Variants in ENOX2 observed in about 807,000 individuals in gnomAD.
ENOX2 encodes ecto-NOX disulfide-thiol exchanger 2, also known as APK1 antigen.
ENOX2 carries 36 observed loss-of-function variants against 45.0 expected under a neutral mutation model. The ratio of observed to expected loss-of-function variants is 0.80; its 90% CI spans 0.61 to 1.06. ENOX2 has a LOEUF of 1.06. Ranked by LOEUF, ENOX2 falls within the 50% of genes least tolerant of loss-of-function variation. The pLI is 0.00. For synonymous variants in ENOX2, 174 were observed against 152.3 expected, an observed-to-expected ratio of 1.14 and a Z score of -1.05; for missense variants, 423 against 462.5, an observed-to-expected ratio of 0.91 and a Z score of 0.78.
chrX:130,894,580 T>TA (rs895207199), intron 2 of ENOX2, among the ~76,000 whole-genome samples: 1 of 106,864 alleles, frequency 9.4e-6, no homozygotes, highest in Non-Finnish European at 1.9e-5. Flanking sequence ...ATAAAAATAA[T>TA]AAAAAAAAAG....
intron 2 of ENOX2, among the ~76,000 whole-genome samples, chrX:130,851,207 G>A (rs2078201530): frequency 8.9e-6 from 1 of 112,164 alleles, no homozygotes; most frequent in Non-Finnish European, 1.9e-5. Context: ...AGACATTAAG[G>A]TGAACTTAAA....
At chrX:130,676,407 A>T (rs1433921096) in intron 6 of ENOX2, among the ~76,000 whole-genome samples, 1 of 111,347 alleles carries the variant, frequency 9.0e-6, no homozygotes, top group Non-Finnish European at 1.9e-5. Flanking sequence ...GGGCACTTTC[A>T]GGGGGACAGA....
chrX:130,789,709 A>G (rs2077014631), intron 2 of ENOX2, among the ~76,000 whole-genome samples: 1 of 112,709 alleles, frequency 8.9e-6, no homozygotes, highest in South Asian at 3.7e-4. Flanking sequence ...AAAATCAGAT[A>G]TGAGATTCCA....
At chrX:130,740,923 G>A (rs1221078577) in intron 3 of ENOX2, among the ~76,000 whole-genome samples, 2 of 111,074 alleles carry the variant, frequency 1.8e-5, no homozygotes, top group African/African-American at 6.6e-5. Context: ...AACCTCTTGG[G>A]GCTTAGTTTC....
chrX:130,663,553 G>GCT (rs1411658388), intron 9 of ENOX2, among the ~76,000 whole-genome samples: 1 of 94,026 alleles, frequency 1.1e-5, no homozygotes, highest in Non-Finnish European at 2.2e-5. Flanking sequence ...AAAAAAAAAA[G>GCT]TATTGTGACC....
chrX:130,859,517 T>G (rs1273784245), intron 2 of ENOX2, among the ~76,000 whole-genome samples: 1 of 112,321 alleles, frequency 8.9e-6, no homozygotes, highest in Non-Finnish European at 1.9e-5. Context: ...AATTGAGTCT[T>G]GCAGAGTAAG....
chrX:130,674,588 A>G (rs1269997372), intron 6 of ENOX2, among the ~76,000 whole-genome samples: 1 of 112,040 alleles, frequency 8.9e-6, no homozygotes, highest in Non-Finnish European at 1.9e-5. Context: ...ATCATAATTG[A>G]ATTGCTCAAA....
chrX:130,634,840 AC>A, intron 12 of ENOX2, 143 bp downstream of exon 12: 1 of 424,809 alleles, frequency 2.4e-6, no homozygotes, highest in South Asian at 4.0e-5. Context: ...TATAAGAATT[AC>A]CCCCGAGAGG....
At chrX:130,743,680 A>G (rs759158265) in intron 3 of ENOX2, among the ~76,000 whole-genome samples, 178 of 109,652 alleles carry the variant, frequency 1.6e-3, no homozygotes, top group African/African-American at 5.6e-3. Flanking sequence ...GGATTTCACC[A>G]TGTTGGCCAG....
chrX:130,705,342 A>T (rs750126799), intron 3 of ENOX2, among the ~76,000 whole-genome samples: 86 of 112,290 alleles, frequency 7.7e-4, no homozygotes, highest in African/African-American at 2.4e-3. Flanking sequence ...TAATATATTA[A>T]CCTAGCCAAA....
chrX:130,649,043 CAAAAAAAAAA>C (rs35154919), intron 10 of ENOX2, among the ~76,000 whole-genome samples: 12 of 6,799 alleles, frequency 1.8e-3, no homozygotes, highest in Non-Finnish European at 2.9e-3. Flanking sequence ...GACTCCATAT[CAAAAAAAAAA>C]AAAAAAAAAA....
At chrX:130,797,913 G>A (rs2077159634) in intron 2 of ENOX2, among the ~76,000 whole-genome samples, 2 of 110,595 alleles carry the variant, frequency 1.8e-5, no homozygotes, top group Admixed American at 1.9e-4. Flanking sequence ...CCAACCCAGG[G>A]CCCAACATAA....
intron 3 of ENOX2, among the ~76,000 whole-genome samples, chrX:130,777,309 G>A (rs2148384433): frequency 9.1e-6 from 1 of 109,532 alleles, no homozygotes; most frequent in Admixed American, 9.7e-5. Flanking sequence ...GACCAGCCTG[G>A]GCAACGTGGA....
At chrX:130,878,193 T>C (rs1235193895) in intron 2 of ENOX2, among the ~76,000 whole-genome samples, 1 of 112,460 alleles carries the variant, frequency 8.9e-6, no homozygotes, top group Non-Finnish European at 1.9e-5. Flanking sequence ...TTATGCTTCA[T>C]CTGGCCTTAA....
At chrX:130,759,842 A>G (rs1039464625) in intron 3 of ENOX2, among the ~76,000 whole-genome samples, 3 of 110,559 alleles carry the variant, frequency 2.7e-5, no homozygotes, top group Non-Finnish European at 5.7e-5. Flanking sequence ...TATTTCAGAA[A>G]TACCTTGCTA....
chrX:130,735,254 G>A (rs968755184), intron 3 of ENOX2, among the ~76,000 whole-genome samples: 10 of 112,190 alleles, frequency 8.9e-5, no homozygotes, highest in Non-Finnish European at 1.7e-4. Flanking sequence ...CCTGTTAGAA[G>A]TGCTGTGGGG....
At chrX:130,814,835 CT>C (rs1403932488) in intron 2 of ENOX2, among the ~76,000 whole-genome samples, 1 of 111,644 alleles carries the variant, frequency 9.0e-6, no homozygotes, top group Non-Finnish European at 1.9e-5. Flanking sequence ...CAGAACGCCT[CT>C]TTTCCTTCAA....
intron 3 of ENOX2, among the ~76,000 whole-genome samples, chrX:130,742,451 T>C (rs911278557): frequency 2.7e-5 from 3 of 109,500 alleles, no homozygotes; most frequent in African/African-American, 1.0e-4. Context: ...GGGAGGTCTC[T>C]AATAGTTGCT....
At chrX:130,708,423 C>T (rs1418587693) in intron 3 of ENOX2, among the ~76,000 whole-genome samples, 6 of 111,802 alleles carry the variant, frequency 5.4e-5, no homozygotes, top group African/African-American at 2.0e-4. Flanking sequence ...CATCACACAG[C>T]TAGTAGGTAG....
Sources: allele counts gnomAD v4.1 joint callset (sites outside exome capture counted in the v4.1 genomes callset), GRCh38; gene constraint gnomAD v4.1.1; transcripts MANE v1.5; gene names NCBI Gene and HGNC (gene_info 2026-07-23, HGNC 2026-07-21).